Variants in MGAT5 observed in about 807,000 individuals in gnomAD.
MGAT5 encodes alpha-1,6-mannosylglycoprotein 6-beta-N-acetylglucosaminyltransferase.
In MGAT5, 30 loss-of-function variants were observed where a neutral mutation model predicts 94.3. That is an observed-to-expected ratio of 0.32 (90% CI 0.24 to 0.43). The LOEUF is 0.43. Ranked by LOEUF, MGAT5 falls within the 20% of genes least tolerant of loss-of-function variation. MGAT5 has a pLI of 1.00. For synonymous variants in MGAT5, 310 were observed against 322.9 expected, an observed-to-expected ratio of 0.96 and a Z score of 0.43; for missense variants, 691 against 905.5, an observed-to-expected ratio of 0.76 and a Z score of 3.04.
chr2:134,276,555 C>T (rs1249113527), intron 2 of MGAT5, among the ~76,000 whole-genome samples: 2 of 151,878 alleles, frequency 1.3e-5, no homozygotes, highest in African/African-American at 4.8e-5. Flanking sequence ...CAGAAAATAC[C>T]CTTGACAGCA....
chr2:134,201,516 G>A (rs1349917316), intron 1 of MGAT5, among the ~76,000 whole-genome samples: 1 of 152,152 alleles, frequency 6.6e-6, no homozygotes, highest in African/African-American at 2.4e-5. Context: ...TTCCCCTTCA[G>A]CAGTCTCAGA....
intron 1 of MGAT5, among the ~76,000 whole-genome samples, chr2:134,166,893 A>G (rs1687987308): frequency 6.6e-6 from 1 of 152,240 alleles, no homozygotes; most frequent in African/African-American, 2.4e-5. Context: ...TAAATGAGAT[A>G]AAACCAGATG....
rs543471401 is a variant in MGAT5 at position 134,267,981 on chromosome 2, T to C, written c.242-2405T>C. ...GAGAATGCACCTAATTCAGCGGTTG[T>C]CAAATCAGGGCAGTTTTGTCCCTCC... is the stretch of plus-strand genomic sequence containing the variant. On this transcript the variant is annotated intron_variant, in intron 1 of 15. Transcript: ENST00000281923. Among the ~76,000 whole-genome samples, 3 of 152,352 alleles carry C rather than the reference T, an allele frequency of 2.0e-5. No individual in the cohort carries two copies. The East Asian group carries it at 5.8e-4, about 29-fold the overall frequency.
intron 1 of MGAT5, chr2:134,231,148 A>G (rs1681340298): frequency 6.6e-6 from 1 of 152,176 alleles, no homozygotes; most frequent in Non-Finnish European, 1.5e-5. Context: ...GGTGGTAGCT[A>G]AAGGGTGTGG....
intron 1 of MGAT5, among the ~76,000 whole-genome samples, chr2:134,185,049 C>T (rs1688935712): frequency 6.6e-6 from 1 of 152,006 alleles, no homozygotes; most frequent in Non-Finnish European, 1.5e-5. Context: ...TGGAAAACCA[C>T]ATATTATACG....
At chr2:134,381,364 T>TAAGATA (rs1553457706) in intron 10 of MGAT5, among the ~76,000 whole-genome samples, 1 of 95,668 alleles carries the variant, frequency 1.0e-5, no homozygotes, top group South Asian at 3.3e-4. Flanking sequence ...GATAGATAGA[T>TAAGATA]AGATAAGATA....
intron 1 of MGAT5, among the ~76,000 whole-genome samples, chr2:134,200,658 C>T (rs1315669929): frequency 1.3e-5 from 2 of 152,100 alleles, no homozygotes; most frequent in African/African-American, 4.8e-5. Flanking sequence ...GTTTTAATCA[C>T]GAAGTATGGA....
At chr2:134,129,847 G>A (rs1686039760) in intron 1 of MGAT5, among the ~76,000 whole-genome samples, 1 of 152,190 alleles carries the variant, frequency 6.6e-6, no homozygotes, top group Non-Finnish European at 1.5e-5. Flanking sequence ...GGCCACCGTT[G>A]AGCAGCCCTT....
chr2:134,328,049 T>G (rs554540758), intron 4 of MGAT5, among the ~76,000 whole-genome samples: 1 of 152,208 alleles, frequency 6.6e-6, no homozygotes, highest in African/African-American at 2.4e-5. Flanking sequence ...ATTATCTGTT[T>G]GGTTGGCTAC....
intron 1 of MGAT5, among the ~76,000 whole-genome samples, chr2:134,191,282 A>G (rs1454845251): frequency 6.6e-6 from 1 of 152,250 alleles, no homozygotes; most frequent in Non-Finnish European, 1.5e-5. Flanking sequence ...GTGTCCTCCA[A>G]AGTTCATGTG....
chr2:134,403,776 T>C (rs754795864), intron 11 of MGAT5, among the ~76,000 whole-genome samples: 14 of 152,130 alleles, frequency 9.2e-5, no homozygotes, highest in Non-Finnish European at 1.5e-4. Context: ...CTAGTCTAAG[T>C]GTTGAAAAAT....
At chr2:134,200,329 G>C (rs1679722505) in intron 1 of MGAT5, among the ~76,000 whole-genome samples, 1 of 152,110 alleles carries the variant, frequency 6.6e-6, no homozygotes, top group South Asian at 2.1e-4. Context: ...AGACAGGGAT[G>C]TCTGCAAGTC....
At chr2:134,195,557 G>T (rs1558981992) in intron 1 of MGAT5, among the ~76,000 whole-genome samples, 1 of 152,182 alleles carries the variant, frequency 6.6e-6, no homozygotes, top group Non-Finnish European at 1.5e-5. Flanking sequence ...GGCTGCAGCA[G>T]GTGGTTTCAT....
At chr2:134,364,635 A>G (rs1227983147) in intron 10 of MGAT5, among the ~76,000 whole-genome samples, 1 of 152,234 alleles carries the variant, frequency 6.6e-6, no homozygotes, top group East Asian at 1.9e-4. Flanking sequence ...GCTGTGCAGC[A>G]CCTAAAGATT....
intron 15 of MGAT5, among the ~76,000 whole-genome samples, chr2:134,446,001 C>G (rs3791327): frequency 0.14 from 20,799 of 152,208 alleles, 1,536 homozygotes; most frequent in Middle Eastern, 0.25. Context: ...CAGTAAAAGG[C>G]AGAGCTCACT....
At chr2:134,167,493 G>A (rs1461406042) in intron 1 of MGAT5, among the ~76,000 whole-genome samples, 1 of 152,192 alleles carries the variant, frequency 6.6e-6, no homozygotes. Flanking sequence ...TGGGCCTGTG[G>A]CAGGGTCTTA....
chr2:134,394,439 ATTAC>A (rs1393501562), intron 10 of MGAT5, among the ~76,000 whole-genome samples: 1 of 152,242 alleles, frequency 6.6e-6, no homozygotes, highest in Non-Finnish European at 1.5e-5. Context: ...TATGAAGAGT[ATTAC>A]TTTGATGGAA....
intron 12 of MGAT5, among the ~76,000 whole-genome samples, chr2:134,419,442 TTG>T (rs56181696): frequency 0.019 from 2,535 of 134,112 alleles, 32 homozygotes; most frequent in African/African-American, 0.044. Flanking sequence ...GCTTCAGGGT[TTG>T]TGTGTGTGTG....
In MGAT5 at chr2:134,338,265, A is replaced by G. The variant is rs1299019557; in HGVS notation, c.652A>G (p.Ile218Val). ...EEADHNSLAE[I>V]RTDFNILYSM... ...ATTAAATTTCTGTTGCTAGGCGGAAATTCGTACAGATTTTAATATTCTCTA... is the reference window on the plus strand; with the variant it reads ...ATTAAATTTCTGTTGCTAGGCGGAAGTTCGTACAGATTTTAATATTCTCTA... Residue 218 changes from isoleucine (I) to valine (V), a missense_variant, in exon 6 of 16, where the codon ATT becomes GTT. Physicochemically the swap from Ile to Val is conservative, Grantham distance 29 (BLOSUM62 3). Transcript: ENST00000281923. 1.9e-6 allele frequency: 3 copies of G among 1,583,482 alleles called. No individual in the cohort carries two copies. The highest frequency in any genetic ancestry group is 1.4e-5 in the African/African-American group (1 of 73,232).
Sources: allele counts gnomAD v4.1 joint callset (sites outside exome capture counted in the v4.1 genomes callset), GRCh38; gene constraint gnomAD v4.1.1; transcripts MANE v1.5; gene names NCBI Gene and HGNC (gene_info 2026-07-23, HGNC 2026-07-21).